The following DMD variants were observed in gnomAD, a reference collection of about 807,000 sequenced individuals.
The protein encoded by DMD is mutant dystrophin.
DMD carries 63 observed loss-of-function variants against 330.1 expected under a neutral mutation model. The ratio of observed to expected loss-of-function variants is 0.19; its 90% CI spans 0.16 to 0.24. The LOEUF (loss-of-function observed/expected upper bound fraction) is 0.24, where lower values mean the gene tolerates loss of function less well. Ranked by LOEUF, DMD falls within the 10% of genes least tolerant of loss-of-function variation. DMD has a pLI of 1.00. For missense variants in DMD, 3,344 were observed against 2,684.1 expected (o/e 1.25, Z -5.43); for synonymous variants, 1,223 against 959.8 (o/e 1.27, Z -5.07).
intron 74 of DMD, among the ~76,000 whole-genome samples, chrX:31,152,563 T>C (rs2037572597): frequency 9.1e-6 from 1 of 109,516 alleles, no homozygotes; most frequent in African/African-American, 3.3e-5. Flanking sequence ...AGATAGGGTC[T>C]CACTCTGTTG....
chrX:31,255,769 C>CTT (rs146884145), intron 63 of DMD, among the ~76,000 whole-genome samples: 2,433 of 50,751 alleles, frequency 0.048, 113 homozygotes, highest in Non-Finnish European at 0.064. Context: ...AATATCGTTA[C>CTT]TTTTTTTTTT....
intron 1 of DMD, among the ~76,000 whole-genome samples, chrX:33,254,965 A>G (rs1477616087): frequency 3.6e-5 from 4 of 110,962 alleles, no homozygotes; most frequent in Non-Finnish European, 5.7e-5. Flanking sequence ...ATTTTCTTAT[A>G]TATTATCCTT....
chrX:31,264,224 T>TG (rs772055580), intron 62 of DMD, among the ~76,000 whole-genome samples: 3 of 112,068 alleles, frequency 2.7e-5, no homozygotes, highest in Non-Finnish European at 5.6e-5. Flanking sequence ...CACATTTACC[T>TG]GGAATATGCA....
At chrX:32,616,016 A>C (rs989078002) in intron 11 of DMD, among the ~76,000 whole-genome samples, 5 of 110,923 alleles carry the variant, frequency 4.5e-5, no homozygotes, top group Non-Finnish European at 9.5e-5. Flanking sequence ...GCAGTTTTTA[A>C]AAGTGCTGGC....
intron 13 of DMD, among the ~76,000 whole-genome samples, chrX:32,591,094 A>T (rs1370006589): frequency 9.1e-6 from 1 of 109,573 alleles, no homozygotes; most frequent in Non-Finnish European, 1.9e-5. Context: ...TCTGGGCTCA[A>T]GCAATATTCT....
chrX:32,679,773 A>G (rs778519121), intron 9 of DMD, among the ~76,000 whole-genome samples: 1 of 109,613 alleles, frequency 9.1e-6, no homozygotes, highest in Non-Finnish European at 1.9e-5. Flanking sequence ...GCTGAAAAAG[A>G]CCACGTCAAT....
At chrX:31,935,286 T>C (rs950857698) in intron 45 of DMD, among the ~76,000 whole-genome samples, 1 of 111,960 alleles carries the variant, frequency 8.9e-6, no homozygotes, top group Non-Finnish European at 1.9e-5. Context: ...CCTGAGTCTT[T>C]TTAATCTTGC....
chrX:31,971,263 G>C (rs2095396631), intron 44 of DMD, among the ~76,000 whole-genome samples: 1 of 112,039 alleles, frequency 8.9e-6, no homozygotes, highest in Admixed American at 9.5e-5. Context: ...TAATGCTGCA[G>C]CATTTTTATC....
At chrX:31,484,766 C>T (rs1038827234) in intron 57 of DMD, among the ~76,000 whole-genome samples, 1 of 111,670 alleles carries the variant, frequency 9.0e-6, no homozygotes, top group Non-Finnish European at 1.9e-5. Flanking sequence ...ACTGGCCAAC[C>T]GGGTGACTGA....
rs1181882882 is a variant in DMD, at chrX:32,503,477, C to T, written c.2293-1635G>A. 5.3e-5 allele frequency among the ~76,000 whole-genome samples: 6 copies of T among 112,280 alleles called. 1 individual carries two copies. In the Middle Eastern group the frequency reaches 0.014, roughly 260 times the overall value. ...CTAAGCACATTAAATTATGTAAATG[C>T]TTATACAATAATCCACATATTTTTA... On this transcript the variant is annotated intron_variant, in intron 18 of 78. Transcript: ENST00000357033.
chrX:31,394,681 C>T (rs1453321155), intron 60 of DMD, among the ~76,000 whole-genome samples: 1 of 110,862 alleles, frequency 9.0e-6, no homozygotes, highest in Non-Finnish European at 1.9e-5. Flanking sequence ...GTAGTCCCAG[C>T]TACTCAGGAG....
chrX:32,126,519 T>C (rs35096544), intron 44 of DMD, among the ~76,000 whole-genome samples: 4,242 of 111,789 alleles, frequency 0.038, 78 homozygotes, highest in Admixed American at 0.11. Context: ...GTTTCTAGTG[T>C]TTTGTTCCTT....
intron 41 of DMD, among the ~76,000 whole-genome samples, chrX:32,341,484 T>C (rs1416043738): frequency 1.1e-4 from 12 of 112,009 alleles, no homozygotes; most frequent in Non-Finnish European, 1.9e-4. Context: ...CTCCTTTTTG[T>C]TTTGGCTGGT....
At chrX:32,756,941 C>A (rs2071579561) in intron 7 of DMD, among the ~76,000 whole-genome samples, 1 of 111,644 alleles carries the variant, frequency 9.0e-6, no homozygotes, top group Admixed American at 9.6e-5. Context: ...GCCATAAGTT[C>A]ATGGTGACAT....
intron 44 of DMD, among the ~76,000 whole-genome samples, chrX:32,185,829 GTGT>G (rs200500182): frequency 1.8e-5 from 2 of 109,866 alleles, no homozygotes; most frequent in South Asian, 7.6e-4. Context: ...CCCCAAATTT[GTGT>G]TGTTTATCAT....
chrX:32,230,355 C>G (rs1173290652), intron 43 of DMD, among the ~76,000 whole-genome samples: 1 of 111,931 alleles, frequency 8.9e-6, no homozygotes, highest in Admixed American at 9.5e-5. Flanking sequence ...CGCCTTTCTC[C>G]CGCCTCAGCT....
intron 43 of DMD, among the ~76,000 whole-genome samples, chrX:32,260,110 T>C (rs1412289655): frequency 9.0e-6 from 1 of 111,295 alleles, no homozygotes; most frequent in African/African-American, 3.3e-5. Flanking sequence ...TGAGGTTTCG[T>C]GAGTGCAATT....
At chrX:32,652,528 G>C (rs771446474) in intron 9 of DMD, among the ~76,000 whole-genome samples, 1 of 110,509 alleles carries the variant, frequency 9.0e-6, no homozygotes, top group African/African-American at 3.3e-5. Context: ...TCTTAATCCA[G>C]TCTATCATCG....
At chrX:33,094,722 C>T (rs768348462) in intron 1 of DMD, among the ~76,000 whole-genome samples, 16 of 107,010 alleles carry the variant, frequency 1.5e-4, no homozygotes, top group South Asian at 1.3e-3. Flanking sequence ...GAGGGAGAAT[C>T]GCTTGAACCT....
Sources: gnomAD v4.1 joint callset for allele counts (sites outside exome capture counted in the v4.1 genomes callset) on GRCh38, gnomAD v4.1.1 for gene constraint, MANE v1.5 for transcripts, NCBI Gene and HGNC (gene_info 2026-07-23, HGNC 2026-07-21) for gene names.